FGFR1: variants seen among roughly 807,000 people sequenced by gnomAD.
The protein encoded by FGFR1 is fibroblast growth factor receptor 1.
FGFR1 carries 18 observed loss-of-function variants against 93.7 expected under a neutral mutation model. The observed-to-expected ratio is 0.19, with a 90% confidence interval of 0.13 to 0.28. The LOEUF is 0.28. Ranked by LOEUF, FGFR1 falls within the 10% of genes least tolerant of loss-of-function variation. The probability of loss-of-function intolerance (pLI) is 1.00; values close to 1 mark genes in which losing one functional copy is unlikely to be tolerated. For missense variants in FGFR1, 731 were observed against 1,080.4 expected, an observed-to-expected ratio of 0.68 and a Z score of 4.53; for synonymous variants, 448 against 429.3, an observed-to-expected ratio of 1.04 and a Z score of -0.54.
intron 1 of FGFR1, among the ~76,000 whole-genome samples, chr8:38,467,156 G>T (rs1478670334): frequency 1.3e-5 from 2 of 151,972 alleles, no homozygotes; most frequent in African/African-American, 4.8e-5. Flanking sequence ...ACCAGATTGG[G>T]ACCGAACGGT....
At chr8:38,453,198 G>A (rs1831641945) in intron 2 of FGFR1, among the ~76,000 whole-genome samples, 1 of 152,138 alleles carries the variant, frequency 6.6e-6, no homozygotes, top group Non-Finnish European at 1.5e-5. Flanking sequence ...CTGAGACGGG[G>A]GCTTACTCCA....
At position 38,429,430 on chromosome 8, in the gene FGFR1, A is replaced by G. The variant is rs1175111680; in HGVS notation, c.358+252T>C. 1.4e-6 allele frequency: 1 copy of G among 699,730 alleles called. No individual in the cohort carries two copies. Among genetic ancestry groups the G allele is most frequent in the Non-Finnish European group, 2.6e-6 (1 of 382,614 alleles). The allele number at this position is 699,730 out of a possible 1,614,324, so 43.3% of individuals were successfully genotyped here. On this transcript the variant is annotated intron_variant, in intron 3 of 17. Coordinates refer to ENST00000447712, the MANE Select transcript of FGFR1 (RefSeq NM_023110.3). This position sits in a 1 kb window ranked among gnomAD's most constrained non-coding sequence, Gnocchi z 4.4. The stretch of plus-strand genomic sequence containing the variant: ...AATCACAGGGTCTTAACATCCCAAG[A>G]GCCCTGGCAATCACCTCCGAGGTGT...
At position 38,422,019 on chromosome 8, in the gene FGFR1, C is replaced by G. The variant is rs1717592282; in HGVS notation, c.937-78G>C. 16 of 1,530,876 alleles carry G rather than the reference C, an allele frequency of 1.0e-5. No individual in the cohort carries two copies. In the South Asian group the frequency reaches 1.7e-4, roughly 16 times the overall value. 94.8% of individuals were successfully genotyped at this position (1,530,876 alleles called of 1,614,324 possible). A position where few individuals can be genotyped will look rare whatever the true frequency, so the allele number is the denominator to read the frequency against. ...AGAGACGCAGAGCAAGGGAAGGAGA[C>G]AGAAAGAAGGGGGACTAGAGGAAGA... On this transcript the variant is annotated intron_variant, in intron 7 of 17. Coordinates refer to ENST00000447712, the MANE Select transcript of FGFR1 (RefSeq NM_023110.3).
intron 2 of FGFR1, among the ~76,000 whole-genome samples, chr8:38,443,195 A>C (rs2151146816): frequency 6.6e-6 from 1 of 152,302 alleles, no homozygotes; most frequent in East Asian, 1.9e-4. Context: ...TTATGCTACA[A>C]AACTGTGCAC....
At chr8:38,422,755 T>C (rs137979760) in intron 7 of FGFR1, 126 of 429,950 alleles carry the variant, frequency 2.9e-4, no homozygotes, top group Non-Finnish European at 3.5e-4. Context: ...TGAAGTACCA[T>C]TTGTAACACA....
intron 7 of FGFR1, 182 bp from the exon 8 acceptor site, chr8:38,422,123 G>A (rs17175975): frequency 0.016 from 11,144 of 684,376 alleles, 119 homozygotes; most frequent in Non-Finnish European, 0.022. Flanking sequence ...GGAAGAGGGT[G>A]AGACCCTGAG....
intron 2 of FGFR1, among the ~76,000 whole-genome samples, chr8:38,454,973 CTTTTTTTTT>C (rs11434747): frequency 1.1e-4 from 12 of 111,176 alleles, no homozygotes; most frequent in African/African-American, 4.2e-4. Flanking sequence ...TCTTTTCTTG[CTTTTTTTTT>C]TTTTTTTTTT....
intron 2 of FGFR1, among the ~76,000 whole-genome samples, chr8:38,452,439 C>T (rs556990277): frequency 6.6e-6 from 1 of 152,198 alleles, no homozygotes; most frequent in African/African-American, 2.4e-5. Flanking sequence ...ACTGTAGCCT[C>T]AACTCCTGGG....
chr8:38,442,551 A>T (rs912664763), intron 2 of FGFR1, among the ~76,000 whole-genome samples: 1 of 151,980 alleles, frequency 6.6e-6, no homozygotes, highest in Non-Finnish European at 1.5e-5. Flanking sequence ...GGGTGGAGAG[A>T]TGAATCAACG....
At position 38,416,023 on chromosome 8, in the gene FGFR1, G is replaced by C. The variant is rs746696299; in HGVS notation, c.1701C>G (p.Gly567=). Reference sequence around the variant, plus strand: ...GGGCCTGCAGGTACTCCCGCAGGTTGCCCTTGGAGGCATACTCCACGATGA... The same window carrying C: ...GGGCCTGCAGGTACTCCCGCAGGTTCCCCTTGGAGGCATACTCCACGATGA... ...LYVIVEYASK[G]NLREYLQARR... is the part of the protein sequence containing the mutation. Residue 567 remains glycine (G), a synonymous_variant, in exon 13 of 18, where the codon GGC becomes GGG. Coordinates refer to ENST00000447712, the MANE Select transcript of FGFR1 (RefSeq NM_023110.3). The C allele has an allele frequency of 3.7e-6, 6 of 1,613,674 alleles. No homozygotes were observed. The highest frequency in any genetic ancestry group is 5.1e-6 in the Non-Finnish European group (6 of 1,179,968).
At chr8:38,452,147 C>T (rs1052681396) in intron 2 of FGFR1, among the ~76,000 whole-genome samples, 8 of 151,242 alleles carry the variant, frequency 5.3e-5, no homozygotes, top group African/African-American at 7.3e-5. Flanking sequence ...GACTGAGGGG[C>T]GTTGGTACTG....
Position 38,418,218 on chromosome 8 carries a change from GTAT to G in FGFR1, c.1430+7_1430+9del, listed in dbSNP as rs772340109. The G allele has an allele frequency of 4.6e-5, 75 of 1,614,198 alleles. No individual in the cohort carries two copies. Among genetic ancestry groups the G allele is most frequent in the African/African-American group, 6.7e-5 (5 of 75,068 alleles). On this transcript the variant is annotated splice_region_variant and intron_variant, in intron 10 of 17. Transcript: ENST00000447712. ...TGCCTTCAAAAAGTTGGGAGTCAAA[GTAT>G]TATTACCTGTCCCGAGGCAGCTCCC... is the stretch of plus-strand genomic sequence containing the variant.
chr8:38,432,908 G>GCCCCCCCCCCCCCCCCCC (rs752109045), intron 2 of FGFR1, among the ~76,000 whole-genome samples: 1 of 47,482 alleles, frequency 2.1e-5, no homozygotes. Flanking sequence ...TCCCCACCGC[G>GCCCCCCCCCCCCCCCCCC]CCCCCCCCCC....
At chr8:38,452,200 GACAC>G (rs3051753) in intron 2 of FGFR1, among the ~76,000 whole-genome samples, 39,083 of 138,678 alleles carry the variant, frequency 0.28, 5,342 homozygotes, top group Non-Finnish European at 0.32. Flanking sequence ...CAGACACACA[GACAC>G]ACACACACAC....
intron 1 of FGFR1, among the ~76,000 whole-genome samples, chr8:38,460,820 C>T (rs962378568): frequency 1.3e-5 from 2 of 152,182 alleles, no homozygotes; most frequent in East Asian, 1.9e-4. Context: ...CCACCTCCTG[C>T]TTCACCTCAG....
intron 2 of FGFR1, among the ~76,000 whole-genome samples, chr8:38,455,919 C>G (rs1433134911): frequency 6.6e-6 from 1 of 152,198 alleles, no homozygotes; most frequent in East Asian, 1.9e-4. Context: ...ACCATAAACT[C>G]CCTGTGGGCA....
chr8:38,417,441 T>C lies in FGFR1; in HGVS notation c.1553-25A>G, dbSNP rs1397800673. ...GCTTTAAAGAACACGTTGAGACTCA[T>C]TTACTTGGGAAGGGAGGAGGGCAGG... is the stretch of plus-strand genomic sequence containing the variant. On this transcript the variant is annotated intron_variant, in intron 11 of 17. Transcript: ENST00000447712. 3 of 1,598,462 alleles carry C rather than the reference T, an allele frequency of 1.9e-6. No individual in the cohort carries two copies. In the East Asian group the frequency reaches 6.7e-5, roughly 36 times the overall value.
At chr8:38,418,094 G>C (rs1365407253) in intron 10 of FGFR1, 103 bp from the exon 11 acceptor site, 35 of 1,608,236 alleles carry the variant, frequency 2.2e-5, no homozygotes, top group Non-Finnish European at 3.0e-5. Flanking sequence ...ACTGCGAGCA[G>C]AAAGTGGAAT....
rs142696469 is a variant in FGFR1 at position 38,463,729 on chromosome 8, G to C, written c.-89+4252C>G. ...CCCCTTGTTAACCAGCCAAACTCTA[G>C]TCCAAAGAACCCTGAGAAAATTTCT... On this transcript the variant is annotated intron_variant, in intron 1 of 17. Coordinates refer to ENST00000447712, the MANE Select transcript of FGFR1 (RefSeq NM_023110.3). Among the ~76,000 whole-genome samples, 224 of 152,268 alleles carry C rather than the reference G, an allele frequency of 1.5e-3. 1 individual carries two copies. Among genetic ancestry groups the C allele is most frequent in the African/African-American group, 4.9e-3 (202 of 41,558 alleles).
Sources: allele counts gnomAD v4.1 joint callset (sites outside exome capture counted in the v4.1 genomes callset), GRCh38; gene constraint gnomAD v4.1.1; non-coding constraint Gnocchi (gnomAD v3.1); transcripts MANE v1.5; gene names NCBI Gene and HGNC (gene_info 2026-07-23, HGNC 2026-07-21).